The following IKBKE variants were observed in gnomAD, a reference collection of about 807,000 sequenced individuals.
IKBKE encodes inhibitor of nuclear factor kappa-B kinase subunit epsilon.
In IKBKE, 45 loss-of-function variants were observed where a neutral mutation model predicts 92.1. That is an observed-to-expected ratio of 0.49 (90% CI 0.38 to 0.63). The LOEUF is 0.63. Among genes scored for constraint, IKBKE ranks in the 20% least tolerant of loss-of-function variants. The pLI is 0.00. For missense variants in IKBKE, 700 were observed against 932.8 expected (o/e 0.75, Z 3.25); for synonymous variants, 374 against 380.3 (o/e 0.98, Z 0.19).
chr1:206,483,575 C>T (rs1312252008), intron 13 of IKBKE, among the ~76,000 whole-genome samples: 3 of 152,202 alleles, frequency 2.0e-5, no homozygotes, highest in Admixed American at 2.0e-4. Flanking sequence ...CCTGCTCCTC[C>T]ATTCCCAAGC....
At chr1:206,486,902 C>G (rs1251881664) in intron 15 of IKBKE, among the ~76,000 whole-genome samples, 1 of 151,824 alleles carries the variant, frequency 6.6e-6, no homozygotes, top group Non-Finnish European at 1.5e-5. Flanking sequence ...GATCTGAGGC[C>G]CTGTCCTTTT....
chr1:206,473,368 C>G, intron 3 of IKBKE, 54 bp downstream of exon 3: 1 of 1,353,084 alleles, frequency 7.4e-7, no homozygotes, highest in Non-Finnish European at 1.0e-6. Context: ...CCCCCTCATG[C>G]CTCAGAAGCT....
Position 206,487,975 on chromosome 1 carries a change from T to C in IKBKE, c.1678T>C (p.Ser560Pro). The change falls in exon 16 of 22, where the codon TCT becomes CCT. Residue 560 changes from serine to proline, a missense_variant. Transcript: ENST00000581977. The surrounding 1 kb of genome is among the most constrained non-coding windows in gnomAD (Gnocchi z 5.3). ...CTTCATCTACAAACAGTTCAAGAAG[T>C]CTAGGATGAGGCCAGGTGAGCCCGG... The part of the protein sequence containing the change: ...MNFIYKQFKK[S>P]RMRPGLGYNE... The C allele has an allele frequency of 6.2e-7, 1 of 1,613,508 alleles. No homozygotes were observed. Among genetic ancestry groups the C allele is most frequent in the East Asian group, 2.2e-5 (1 of 44,878 alleles).
At position 206,478,986 on chromosome 1, in the gene IKBKE, G is replaced by GC. The variant is rs782347019; in HGVS notation, c.1042dup (p.Arg348ProfsTer8). ...GGCCGTGCACAAGCAGACCAGTGTG[G>GC]CCCCCCGACACCAGGAGTACCTCTT... On this transcript the variant is annotated frameshift_variant, in exon 10 of 22. Coordinates refer to ENST00000581977, the MANE Select transcript of IKBKE (RefSeq NM_014002.4). LOFTEE classifies it high-confidence loss of function. The surrounding 1 kb of genome is among the most constrained non-coding windows in gnomAD (Gnocchi z 4.8). 1.2e-6 allele frequency: 2 copies of GC among 1,614,050 alleles called. No individual in the cohort carries two copies. Among genetic ancestry groups the GC allele is most frequent in the Non-Finnish European group, 8.5e-7 (1 of 1,180,020 alleles).
At position 206,493,266 on chromosome 1, in the gene IKBKE, C is replaced by T. The variant is rs782564525; in HGVS notation, c.1933C>T (p.Leu645Phe). Residue 645 changes from leucine (L) to phenylalanine (F), a missense_variant and splice_region_variant, in exon 20 of 22, where the codon CTC becomes TTC. By Grantham distance (22) the Leu-to-Phe change is conservative. Coordinates refer to ENST00000581977, the MANE Select transcript of IKBKE (RefSeq NM_014002.4). ...TGACCAAAGTATGGCTTCCCTGCAGCTCCTGGAAGAGCTATCTCACCAGCT... is the reference window on the plus strand; with the variant it reads ...TGACCAAAGTATGGCTTCCCTGCAGTTCCTGGAAGAGCTATCTCACCAGCT... ...AQGVQESLSK[L>F]LEELSHQLLQ... 6.2e-7 allele frequency: 1 copy of T among 1,612,696 alleles called. No homozygotes were observed. Among genetic ancestry groups the T allele is most frequent in the Non-Finnish European group, 8.5e-7 (1 of 1,178,964 alleles).
intron 18 of IKBKE, 28 bp from the exon 19 acceptor site, chr1:206,492,995 A>AT: frequency 2.6e-6 from 4 of 1,548,154 alleles, no homozygotes; most frequent in Non-Finnish European, 3.5e-6. Flanking sequence ...TCCTGCTCTA[A>AT]TTCTAAGTCT....
Position 206,476,473 on chromosome 1 carries a change from TTA to T in IKBKE, c.540+113_540+114del, listed in dbSNP as rs557951244. On this transcript the variant is annotated intron_variant, in intron 6 of 21. Coordinates refer to ENST00000581977, the MANE Select transcript of IKBKE (RefSeq NM_014002.4). This position sits in a 1 kb window ranked among gnomAD's most constrained non-coding sequence, Gnocchi z 5.1. ...GGCCCACCTCCTGCTTCCACAGGAG[TTA>T]TGTCTCTCCCCTGTACCCCAACCAG... is the stretch of plus-strand genomic sequence containing the variant. The T allele has an allele frequency of 4.8e-5, 58 of 1,214,954 alleles. No individual in the cohort carries two copies. In the East Asian group the frequency reaches 1.3e-3, roughly 27 times the overall value. 75.3% of individuals were successfully genotyped at this position (1,214,954 alleles called of 1,614,324 possible). A position where few individuals can be genotyped will look rare whatever the true frequency, so the allele number is the denominator to read the frequency against.
rs1207194500 is a variant in IKBKE at position 206,476,216 on chromosome 1, G to A, written c.394G>A (p.Val132Met). ...GMNHLRENGI[V>M]HRDIKPGNIM... ...GAACCACCTGCGGGAGAACGGCATTGTGCATCGCGACATCAAGCCGGGGAA... is the reference window on the plus strand; with the variant it reads ...GAACCACCTGCGGGAGAACGGCATTATGCATCGCGACATCAAGCCGGGGAA... Residue 132 changes from valine to methionine, a missense_variant, in exon 6 of 22, where the codon GTG becomes ATG. By Grantham distance (21) the Val-to-Met change is conservative. Transcript: ENST00000581977. This position sits in a 1 kb window ranked among gnomAD's most constrained non-coding sequence, Gnocchi z 5.1. The A allele has an allele frequency of 6.2e-7, 1 of 1,614,034 alleles. No homozygotes were observed. Among genetic ancestry groups the A allele is most frequent in the Non-Finnish European group, 8.5e-7 (1 of 1,180,040 alleles).
chr1:206,493,825 G>T, intron 20 of IKBKE, 95 bp from the exon 21 acceptor site: 1 of 866,044 alleles, frequency 1.2e-6, no homozygotes, highest in South Asian at 1.5e-5. Flanking sequence ...AGGCTTCTTT[G>T]GTGGGGCTGC....
rs1553389024 is a variant in IKBKE at position 206,487,280 on chromosome 1, G to C, written c.1617-634G>C. Among the ~76,000 whole-genome samples the C allele has an allele frequency of 6.6e-6, 1 of 152,228 alleles. No individual in the cohort carries two copies. The highest frequency in any genetic ancestry group is 2.4e-5 in the African/African-American group (1 of 41,454). ...GTGTTTGTTTCCAGCCTGAAAAGGG[G>C]AAGGAAGAAATAATAATGACCTTCA... is the stretch of plus-strand genomic sequence containing the variant. On this transcript the variant is annotated intron_variant, in intron 15 of 21. Transcript: ENST00000581977. The surrounding 1 kb of genome is among the most constrained non-coding windows in gnomAD (Gnocchi z 5.3).
intron 13 of IKBKE, among the ~76,000 whole-genome samples, chr1:206,483,216 T>G (rs1342948779): frequency 2.6e-5 from 4 of 152,222 alleles, no homozygotes; most frequent in African/African-American, 9.6e-5. Context: ...GGAAGGAAAT[T>G]TGTCTCCTCG....
chr1:206,476,066 C>A lies in IKBKE; in HGVS notation c.359-115C>A, dbSNP rs375576738. ...TCTGCCTGTCCCATGGCTCTGTCAGCCCATGGGAACTCCTGTCTCTCTGGA... is the reference window on the plus strand; with the variant it reads ...TCTGCCTGTCCCATGGCTCTGTCAGACCATGGGAACTCCTGTCTCTCTGGA... On this transcript the variant is annotated intron_variant, in intron 5 of 21. Transcript: ENST00000581977. The surrounding 1 kb of genome is among the most constrained non-coding windows in gnomAD (Gnocchi z 5.1). 97 of 941,124 alleles carry A rather than the reference C, an allele frequency of 1.0e-4. 1 individual carries two copies. Among genetic ancestry groups the A allele is most frequent in the South Asian group, 1.0e-3 (70 of 68,492 alleles). The allele number at this position is 941,124 out of a possible 1,614,324, so 58.3% of individuals were successfully genotyped here.
Position 206,476,238 on chromosome 1 carries a change from G to A in IKBKE, c.416G>A (p.Gly139Glu), listed in dbSNP as rs782456876. The A allele has an allele frequency of 6.2e-7, 1 of 1,614,152 alleles. No individual in the cohort carries two copies. Among genetic ancestry groups the A allele is most frequent in the Non-Finnish European group, 8.5e-7 (1 of 1,180,010 alleles). Residue 139 changes from glycine to glutamate, a missense_variant, in exon 6 of 22, where the codon GGG becomes GAG. Gly to Glu is a moderately conservative substitution (Grantham distance 98, BLOSUM62 -2). Transcript: ENST00000581977. The surrounding 1 kb of genome is among the most constrained non-coding windows in gnomAD (Gnocchi z 5.1). ...ATTGTGCATCGCGACATCAAGCCGG[G>A]GAACATCATGCGCCTCGTAGGGGAG... ...NGIVHRDIKPGNIMRLVGEEG... is the reference protein window; with the variant it reads ...NGIVHRDIKPENIMRLVGEEG...
Position 206,476,291 on chromosome 1 carries a change from G to A in IKBKE, c.469G>A (p.Asp157Asn). 1 of 1,614,190 alleles carries A rather than the reference G, an allele frequency of 6.2e-7. No individual in the cohort carries two copies. The highest frequency in any genetic ancestry group is 8.5e-7 in the Non-Finnish European group (1 of 1,180,034). The change falls in exon 6 of 22, where the codon GAC (aspartate) becomes AAC (asparagine). Residue 157 changes from aspartate (D) to asparagine (N), a missense_variant. Coordinates refer to ENST00000581977, the MANE Select transcript of IKBKE (RefSeq NM_014002.4). The surrounding 1 kb of genome is among the most constrained non-coding windows in gnomAD (Gnocchi z 5.1). ...GGGGCAGAGCATCTACAAGCTGACAGACTTCGGCGCTGCCCGGGAGCTGGA... is the reference window on the plus strand; with the variant it reads ...GGGGCAGAGCATCTACAAGCTGACAAACTTCGGCGCTGCCCGGGAGCTGGA... ...EEGQSIYKLT[D>N]FGAARELDDD...
At chr1:206,472,856 T>C in intron 2 of IKBKE, 2 of 298,784 alleles carry the variant, frequency 6.7e-6, no homozygotes, top group Non-Finnish European at 1.3e-5. Context: ...GAATCTTCAG[T>C]GCTGGGGAGA....
At chr1:206,481,807 C>A (rs1397311582) in intron 13 of IKBKE, among the ~76,000 whole-genome samples, 1 of 123,370 alleles carries the variant, frequency 8.1e-6, no homozygotes. Flanking sequence ...TGAGACGGAG[C>A]CTCGCTCTGT....
In IKBKE at chr1:206,486,240, C is replaced by T. The variant is rs141580658; in HGVS notation, c.1616+934C>T. 1.4e-4 allele frequency among the ~76,000 whole-genome samples: 22 copies of T among 152,384 alleles called. 1 individual carries two copies. Among genetic ancestry groups the T allele is most frequent in the Middle Eastern group, 3.4e-3 (1 of 294 alleles). ...ATACACTGTGTGGGTACCAAATTGCCTTTCTGATATCAGAAGACGATTCTC... is the reference window on the plus strand; with the variant it reads ...ATACACTGTGTGGGTACCAAATTGCTTTTCTGATATCAGAAGACGATTCTC... On this transcript the variant is annotated intron_variant, in intron 15 of 21. Coordinates refer to ENST00000581977, the MANE Select transcript of IKBKE (RefSeq NM_014002.4).
intron 21 of IKBKE, 125 bp from the exon 22 acceptor site, chr1:206,495,987 A>G (rs782322287): frequency 3.1e-6 from 2 of 645,678 alleles, no homozygotes; most frequent in Non-Finnish European, 5.6e-6. Context: ...TGAGGGTGCT[A>G]CAAGGGGAGA....
intron 15 of IKBKE, among the ~76,000 whole-genome samples, chr1:206,486,928 A>T (rs1665698983): frequency 6.6e-6 from 1 of 151,592 alleles, no homozygotes; most frequent in Non-Finnish European, 1.5e-5. Context: ...AAGGCTGAGG[A>T]TCAAGGCCCC....
Sources: allele counts gnomAD v4.1 joint callset (sites outside exome capture counted in the v4.1 genomes callset), GRCh38; gene constraint gnomAD v4.1.1; non-coding constraint Gnocchi (gnomAD v3.1); transcripts MANE v1.5; gene names NCBI Gene and HGNC (gene_info 2026-07-23, HGNC 2026-07-21).